Variants in QTGAL observed in about 807,000 individuals in gnomAD.
QTGAL encodes queuosine-tRNA galactosyltransferase.
At chr17:83,009,998 G>A in the QTGAL span, among the ~76,000 whole-genome samples, 1 of 144,116 alleles carries the variant, frequency 6.9e-6, no homozygotes, top group Non-Finnish European at 1.5e-5. Flanking sequence ...GAGGCCCCTG[G>A]TGTTGGGGGG....
chr17:83,014,974 C>T, the QTGAL span, among the ~76,000 whole-genome samples: 12 of 152,374 alleles, frequency 7.9e-5, no homozygotes, highest in East Asian at 9.6e-4. Context: ...CTGCTGGCTG[C>T]GATGAGGACC....
chr17:83,037,734 C>T, the QTGAL span, among the ~76,000 whole-genome samples: 177 of 152,300 alleles, frequency 1.2e-3, no homozygotes, highest in African/African-American at 3.8e-3. This position sits in a 1 kb window ranked among gnomAD's most constrained non-coding sequence, Gnocchi z 5.2. Flanking sequence ...GGCTTGTTAG[C>T]GTCAGGTTTC....
At chr17:82,965,280 C>A in the QTGAL span, among the ~76,000 whole-genome samples, 1 of 151,588 alleles carries the variant, frequency 6.6e-6, no homozygotes, top group Non-Finnish European at 1.5e-5. Flanking sequence ...GGTGCACCCC[C>A]GGGGGGAGGA....
At chr17:83,042,854 A>G in the QTGAL span, among the ~76,000 whole-genome samples, 1 of 152,252 alleles carries the variant, frequency 6.6e-6, no homozygotes, top group Admixed American at 6.5e-5. Context: ...GGAACAAGGG[A>G]AAGAGATATT....
the QTGAL span, chr17:83,005,966 A>C: frequency 8.6e-7 from 1 of 1,164,142 alleles, no homozygotes; most frequent in Non-Finnish European, 1.1e-6. The surrounding 1 kb of genome is among the most constrained non-coding windows in gnomAD (Gnocchi z 5.6). Flanking sequence ...CAGGTCCTTC[A>C]GGGCTCACAC....
chr17:83,010,320 C>CCG, the QTGAL span, among the ~76,000 whole-genome samples: 1 of 152,168 alleles, frequency 6.6e-6, no homozygotes, highest in Non-Finnish European at 1.5e-5. Flanking sequence ...GCCTGACAGC[C>CCG]CGAACTACAG....
chr17:83,021,575 C>T, the QTGAL span, among the ~76,000 whole-genome samples: 1 of 152,174 alleles, frequency 6.6e-6, no homozygotes, highest in Non-Finnish European at 1.5e-5. Context: ...AGACTCAATA[C>T]TAAGATCCTC....
the QTGAL span, among the ~76,000 whole-genome samples, chr17:83,031,345 C>T: frequency 1.3e-5 from 2 of 150,310 alleles, no homozygotes; most frequent in Admixed American, 6.6e-5. Flanking sequence ...ACGGGTCCCT[C>T]GCAGGACCAG....
chr17:83,006,601 G>A, the QTGAL span: 67 of 985,412 alleles, frequency 6.8e-5, no homozygotes, highest in South Asian at 1.4e-4. The surrounding 1 kb of genome is among the most constrained non-coding windows in gnomAD (Gnocchi z 5.8). Context: ...GCCCCTCAAC[G>A]GCAGCCGCTG....
At chr17:82,974,901 G>A in the QTGAL span, among the ~76,000 whole-genome samples, 2 of 152,044 alleles carry the variant, frequency 1.3e-5, no homozygotes, top group Admixed American at 6.5e-5. Context: ...GGGGCCGGAG[G>A]CCACTTATGG....
At chr17:82,984,960 G>A in the QTGAL span, among the ~76,000 whole-genome samples, 2 of 152,122 alleles carry the variant, frequency 1.3e-5, no homozygotes, top group African/African-American at 4.8e-5. Flanking sequence ...CCCCTCCCTC[G>A]AGTTTCCAGA....
At chr17:82,960,930 C>G in the QTGAL span, 2 of 1,365,402 alleles carry the variant, frequency 1.5e-6, no homozygotes, top group Non-Finnish European at 1.9e-6. Flanking sequence ...CCCACCAGAC[C>G]CTGGGTCTCA....
the QTGAL span, among the ~76,000 whole-genome samples, chr17:82,976,039 G>A: frequency 6.0e-4 from 58 of 96,940 alleles, 1 homozygote; most frequent in Non-Finnish European, 9.8e-4. Context: ...CCGGGACAGA[G>A]CCGGACTCCA....
the QTGAL span, among the ~76,000 whole-genome samples, chr17:82,988,051 T>C: frequency 6.6e-6 from 1 of 152,190 alleles, no homozygotes; most frequent in African/African-American, 2.4e-5. Flanking sequence ...TGGAAGTTCA[T>C]TCATGATTTA....
the QTGAL span, among the ~76,000 whole-genome samples, chr17:83,010,250 G>A: frequency 1.3e-5 from 2 of 152,140 alleles, no homozygotes; most frequent in African/African-American, 2.4e-5. Flanking sequence ...AGCACCGGGG[G>A]CTTCGGCCGC....
chr17:83,048,987 G>GT, the QTGAL span: 1 of 554,492 alleles, frequency 1.8e-6, no homozygotes, highest in Non-Finnish European at 3.2e-6. Flanking sequence ...GTTTTTGAAA[G>GT]TGAAAAAAAA....
At chr17:82,984,953 CT>C in the QTGAL span, among the ~76,000 whole-genome samples, 1 of 152,298 alleles carries the variant, frequency 6.6e-6, no homozygotes, top group South Asian at 2.1e-4. Context: ...CTGGGACCCC[CT>C]CCCTCGAGTT....
chr17:82,945,088 T>C, the QTGAL span: 1 of 152,090 alleles, frequency 6.6e-6, no homozygotes, highest in Non-Finnish European at 1.5e-5. Context: ...TAGGCTATAA[T>C]ATGAGTACAT....
At chr17:82,977,633 T>G in the QTGAL span, among the ~76,000 whole-genome samples, 1 of 152,162 alleles carries the variant, frequency 6.6e-6, no homozygotes, top group African/African-American at 2.4e-5. Context: ...CTCCCACTTC[T>G]GGTCACCGTG....
Sources: allele counts gnomAD v4.1 joint callset (sites outside exome capture counted in the v4.1 genomes callset), GRCh38; gene constraint gnomAD v4.1.1; non-coding constraint Gnocchi (gnomAD v3.1); transcripts MANE v1.5; gene names NCBI Gene and HGNC (gene_info 2026-07-23, HGNC 2026-07-21).